Variants in TAFA5 observed in about 807,000 individuals in gnomAD.
TAFA5 encodes TAFA chemokine like family member 5, also known as chemokine-like protein TAFA-5.
In TAFA5, 6 loss-of-function variants were observed where a neutral mutation model predicts 15.3. That is an observed-to-expected ratio of 0.39 (90% CI 0.21 to 0.77). The LOEUF (loss-of-function observed/expected upper bound fraction) is 0.77. Ranked by LOEUF, TAFA5 falls within the 30% of genes least tolerant of loss-of-function variation. The pLI is 0.41. For synonymous variants in TAFA5, 103 were observed against 80.7 expected, an observed-to-expected ratio of 1.28 and a Z score of -1.48; for missense variants, 161 against 193.1, an observed-to-expected ratio of 0.83 and a Z score of 0.98.
At chr22:48,498,804 C>G (rs1221720963) in intron 1 of TAFA5, among the ~76,000 whole-genome samples, 3 of 152,202 alleles carry the variant, frequency 2.0e-5, no homozygotes. Context: ...ACAATCAGCC[C>G]ACTGGAAGCC....
At position 48,661,636 on chromosome 22, in the gene TAFA5, T is replaced by C. The variant is rs141549067; in HGVS notation, c.262+14890T>C. On this transcript the variant is annotated intron_variant, in intron 2 of 3. Coordinates refer to ENST00000402357, the MANE Select transcript of TAFA5 (RefSeq NM_001082967.3). ...CAGGGAACAGAGAGGGGGCAGCGTA[T>C]GGCAGTGGGTGCCAGATTTGGAGGA... Among the ~76,000 whole-genome samples the C allele has an allele frequency of 4.4e-4, 67 of 152,312 alleles. 1 individual carries two copies. The East Asian group carries it at 8.7e-3, about 20-fold the overall frequency.
At chr22:48,561,118 C>T (rs931561508) in intron 1 of TAFA5, among the ~76,000 whole-genome samples, 9 of 151,998 alleles carry the variant, frequency 5.9e-5, no homozygotes, top group South Asian at 2.1e-4. Flanking sequence ...CCTGGGAAGG[C>T]GTGTGTGATC....
At chr22:48,700,221 G>C (rs546456171) in intron 2 of TAFA5, among the ~76,000 whole-genome samples, 19 of 152,172 alleles carry the variant, frequency 1.2e-4, no homozygotes, top group Non-Finnish European at 2.6e-4. Context: ...TCGTGTCCCA[G>C]ACAGCTGCCC....
intron 2 of TAFA5, among the ~76,000 whole-genome samples, chr22:48,677,775 C>T (rs190180490): frequency 6.6e-6 from 1 of 152,246 alleles, no homozygotes; most frequent in Non-Finnish European, 1.5e-5. Flanking sequence ...GCGGGCGTGG[C>T]GTCCCCCTCC....
At chr22:48,593,327 G>C (rs1924642153) in intron 1 of TAFA5, among the ~76,000 whole-genome samples, 1 of 152,190 alleles carries the variant, frequency 6.6e-6, no homozygotes, top group African/African-American at 2.4e-5. Context: ...TGGGGAAATA[G>C]AGGCACGGGG....
At chr22:48,512,947 G>T (rs1438470043) in intron 1 of TAFA5, among the ~76,000 whole-genome samples, 6 of 148,834 alleles carry the variant, frequency 4.0e-5, no homozygotes, top group South Asian at 2.2e-4. Flanking sequence ...AAAAAAAAGA[G>T]AGAGAGAGAG....
At chr22:48,648,436 G>T (rs578209200) in intron 2 of TAFA5, among the ~76,000 whole-genome samples, 2 of 152,166 alleles carry the variant, frequency 1.3e-5, no homozygotes, top group African/African-American at 4.8e-5. Context: ...GATAGAGCCT[G>T]CTGCTACGTG....
chr22:48,609,333 C>T (rs1228072358), intron 1 of TAFA5, among the ~76,000 whole-genome samples: 3 of 152,232 alleles, frequency 2.0e-5, no homozygotes, highest in Non-Finnish European at 4.4e-5. Context: ...CCTTCGTGGA[C>T]GCTCGGCCAG....
intron 1 of TAFA5, among the ~76,000 whole-genome samples, chr22:48,581,903 G>C (rs1924058992): frequency 1.3e-5 from 2 of 152,134 alleles, no homozygotes; most frequent in Admixed American, 6.5e-5. Flanking sequence ...TTTACGCAGA[G>C]ACACATAGTT....
rs569052749 is a variant in TAFA5 at position 48,551,260 on chromosome 22, C to A, written c.112+61556C>A. 3.9e-5 allele frequency among the ~76,000 whole-genome samples: 6 copies of A among 152,180 alleles called. No individual in the cohort carries two copies. The South Asian group carries it at 6.2e-4, about 16-fold the overall frequency. ...CTGCAGCACCCTGGAAGGCAGGGAG[C>A]CCCCCAGGTCAGTGCGTCTGAGCTC... On this transcript the variant is annotated intron_variant, in intron 1 of 3. Coordinates refer to ENST00000402357, the MANE Select transcript of TAFA5 (RefSeq NM_001082967.3).
chr22:48,669,776 T>A (rs67673968), intron 2 of TAFA5, among the ~76,000 whole-genome samples: 18,963 of 152,180 alleles, frequency 0.12, 2,502 homozygotes, highest in East Asian at 0.35. Flanking sequence ...CCCAGCCCCA[T>A]GTTGCCCACT....
chr22:48,656,454 C>T (rs9617412), intron 2 of TAFA5, among the ~76,000 whole-genome samples: 96,770 of 150,970 alleles, frequency 0.64, 31,919 homozygotes, highest in South Asian at 0.77. Flanking sequence ...TGCAGTGAGC[C>T]GAGATCGCGT....
chr22:48,738,904 C>T (rs1930104423), intron 3 of TAFA5, among the ~76,000 whole-genome samples: 2 of 152,176 alleles, frequency 1.3e-5, no homozygotes, highest in South Asian at 4.1e-4. Context: ...GCCTTCATGG[C>T]CCAAATGCAT....
chr22:48,747,739 A>C (rs561564787), intron 3 of TAFA5, among the ~76,000 whole-genome samples: 1 of 152,160 alleles, frequency 6.6e-6, no homozygotes, highest in East Asian at 1.9e-4. Flanking sequence ...TCTACTAAAA[A>C]TATAAAAATT....
At chr22:48,495,307 G>C (rs1395500754) in intron 1 of TAFA5, among the ~76,000 whole-genome samples, 1 of 152,192 alleles carries the variant, frequency 6.6e-6, no homozygotes, top group African/African-American at 2.4e-5. Context: ...GCCAAGCCCC[G>C]GGGGCAGAGA....
At position 48,506,293 on chromosome 22, in the gene TAFA5, C is replaced by A. The variant is rs576194803; in HGVS notation, c.112+16589C>A. 4.6e-5 allele frequency among the ~76,000 whole-genome samples: 7 copies of A among 152,346 alleles called. No individual in the cohort carries two copies. The South Asian group carries it at 1.2e-3, about 27-fold the overall frequency. ...TCCGTGCAGCCTTAGAGAAGAAAAC[C>A]TTTTCCCAGCCGGGAACATGGGGTC... On this transcript the variant is annotated intron_variant, in intron 1 of 3. Transcript: ENST00000402357.
intron 3 of TAFA5, among the ~76,000 whole-genome samples, chr22:48,718,073 A>C (rs1231974531): frequency 1.3e-5 from 2 of 152,180 alleles, no homozygotes; most frequent in South Asian, 2.1e-4. Flanking sequence ...TGGCCAGGGC[A>C]GGGCTGCTGC....
chr22:48,737,958 G>A (rs1433668280), intron 3 of TAFA5, among the ~76,000 whole-genome samples: 1 of 152,122 alleles, frequency 6.6e-6, no homozygotes, highest in African/African-American at 2.4e-5. Context: ...GCGGTTGCCT[G>A]TGTGGGGGCC....
rs372333279 is a variant in TAFA5 at position 48,580,761 on chromosome 22, G to A, written c.113-65836G>A. On this transcript the variant is annotated intron_variant, in intron 1 of 3. Transcript: ENST00000402357. Reference sequence around the variant, plus strand: ...CCCAGTCTTGGCATGGGGCTGCCCCGGCCGCCAGGCTCCGAGCTTGGAGCT... The same window carrying A: ...CCCAGTCTTGGCATGGGGCTGCCCCAGCCGCCAGGCTCCGAGCTTGGAGCT... 3.0e-4 allele frequency among the ~76,000 whole-genome samples: 45 copies of A among 152,338 alleles called. No homozygotes were observed. In the East Asian group the frequency reaches 7.5e-3, roughly 26 times the overall value.
Sources: gnomAD v4.1 joint callset for allele counts (sites outside exome capture counted in the v4.1 genomes callset) on GRCh38, gnomAD v4.1.1 for gene constraint, MANE v1.5 for transcripts, NCBI Gene and HGNC (gene_info 2026-07-23, HGNC 2026-07-21) for gene names.